Variants in TUBGCP3 observed in about 807,000 individuals in gnomAD.
TUBGCP3 encodes the protein tubulin gamma complex component 3.
A neutral mutation model predicts 123.1 loss-of-function variants in TUBGCP3; 50 were observed. The ratio of observed to expected loss-of-function variants is 0.41; its 90% confidence interval spans 0.32 to 0.51. TUBGCP3 has a LOEUF of 0.51. TUBGCP3 is among the 20% of genes least tolerant of loss of function. The pLI is 0.36. For missense variants in TUBGCP3, 882 were observed against 1,127.0 expected, an observed-to-expected ratio of 0.78 and a Z score of 3.11; for synonymous variants, 405 against 413.9, an observed-to-expected ratio of 0.98 and a Z score of 0.26.
chr13:112,597,997 A>T, the TUBGCP3 span, among the ~76,000 whole-genome samples: 1 of 152,220 alleles, frequency 6.6e-6, no homozygotes, highest in Non-Finnish European at 1.5e-5. Context: ...AGCCATGCCG[A>T]GGCAAATGTA....
chr13:112,552,461 G>A (rs1879665832), intron 8 of TUBGCP3, among the ~76,000 whole-genome samples: 1 of 152,236 alleles, frequency 6.6e-6, no homozygotes, highest in African/African-American at 2.4e-5. Context: ...CCCTTGCAAT[G>A]AGGGAGAGTG....
intron 13 of TUBGCP3, among the ~76,000 whole-genome samples, chr13:112,526,439 C>G (rs1395134940): frequency 7.2e-6 from 1 of 138,924 alleles, no homozygotes; most frequent in Admixed American, 7.2e-5. Context: ...ACCACGCCAT[C>G]ATCACCGTCG....
chr13:112,587,532 G>T (rs537498588), intron 1 of TUBGCP3, among the ~76,000 whole-genome samples: 5 of 152,254 alleles, frequency 3.3e-5, no homozygotes, highest in Non-Finnish European at 5.9e-5. Flanking sequence ...AGAGAAGGGG[G>T]ATAAATTGGC....
At chr13:112,558,531 C>A in intron 4 of TUBGCP3, 118 bp from the exon 5 acceptor site, 1 of 864,614 alleles carries the variant, frequency 1.2e-6, no homozygotes, top group East Asian at 2.6e-5. Flanking sequence ...ATTTGGGTTC[C>A]ATACTTTATT....
rs553029520 is a variant in TUBGCP3 at position 112,534,798 on chromosome 13, A to G, written c.1336-7314T>C. On this transcript the variant is annotated intron_variant, in intron 11 of 21. Coordinates refer to ENST00000261965, the MANE Select transcript of TUBGCP3 (RefSeq NM_006322.6). ...TTTTTAGAGGAAATTCACATAATATAAAAGTCACCATTTTAAAGTGTGCAA... is the reference window on the plus strand; with the variant it reads ...TTTTTAGAGGAAATTCACATAATATGAAAGTCACCATTTTAAAGTGTGCAA... 1.3e-5 allele frequency among the ~76,000 whole-genome samples: 2 copies of G among 152,312 alleles called. 1 individual carries two copies. The highest frequency in any genetic ancestry group is 4.8e-5 in the African/African-American group (2 of 41,578).
chr13:112,504,227 T>A (rs1881124863), intron 18 of TUBGCP3, 64 bp from the exon 19 acceptor site: 1 of 1,604,734 alleles, frequency 6.2e-7, no homozygotes, highest in Admixed American at 1.7e-5. Context: ...GCATCACTCA[T>A]AAAATATATA....
At position 112,508,250 on chromosome 13, in the gene TUBGCP3, C is replaced by T. The variant is rs1282934503; in HGVS notation, c.2087-3536G>A. 2.6e-5 allele frequency among the ~76,000 whole-genome samples: 4 copies of T among 152,224 alleles called. No individual in the cohort carries two copies. The highest frequency in any genetic ancestry group is 9.6e-5 in the African/African-American group (4 of 41,464). ...TAAAAGGCCAACCCGTATCCCCTCA[C>T]TCTGAATCCATCTATTCCTCCTCTG... On this transcript the variant is annotated intron_variant, in intron 17 of 21. Transcript: ENST00000261965. The surrounding 1 kb of genome is among the most constrained non-coding windows in gnomAD (Gnocchi z 4.2).
intron 17 of TUBGCP3, among the ~76,000 whole-genome samples, chr13:112,507,197 T>C (rs1881360359): frequency 1.3e-5 from 2 of 152,192 alleles, no homozygotes; most frequent in African/African-American, 4.8e-5. Flanking sequence ...AATGGACAAA[T>C]TCTACAAGTC....
intron 8 of TUBGCP3, among the ~76,000 whole-genome samples, chr13:112,548,487 G>T (rs989631349): frequency 1.3e-5 from 2 of 152,132 alleles, no homozygotes; most frequent in African/African-American, 4.8e-5. Context: ...ATCCCCTGTA[G>T]ATCTAATTAA....
chr13:112,536,249 T>C (rs539414717), intron 11 of TUBGCP3, among the ~76,000 whole-genome samples: 19 of 152,384 alleles, frequency 1.2e-4, no homozygotes, highest in African/African-American at 3.8e-4. Context: ...CCCTGTGAAT[T>C]TGAAGATCAG....
Position 112,504,685 on chromosome 13 carries a change from T to C in TUBGCP3, c.2116A>G (p.Ile706Val), listed in dbSNP as rs1023582871. ...AAATGGACCATCTCAGAGGCCAAAATGTGACACTGGTGCAGCACCCCGGAG... is the reference window on the plus strand; with the variant it reads ...AAATGGACCATCTCAGAGGCCAAAACGTGACACTGGTGCAGCACCCCGGAG... ...EFSGVLHQCH[I>V]LASEMVHFIH... is the part of the protein sequence containing the mutation. Residue 706 changes from isoleucine (I) to valine (V), a missense_variant, in exon 18 of 22, where the codon ATT becomes GTT. Around this residue, in one of 3 missense-constraint regions of TUBGCP3, gnomAD observed 9 missense variants for 32.7 expected, o/e 0.28. Coordinates refer to ENST00000261965, the MANE Select transcript of TUBGCP3 (RefSeq NM_006322.6). 4 of 1,613,790 alleles carry C rather than the reference T, an allele frequency of 2.5e-6. No individual in the cohort carries two copies. The African/African-American group carries it at 5.3e-5, about 22-fold the overall frequency.
chr13:112,489,729 A>G (rs369859142), intron 20 of TUBGCP3, 32 bp from the exon 21 acceptor site: 2 of 1,569,588 alleles, frequency 1.3e-6, no homozygotes, highest in African/African-American at 2.7e-5. Context: ...ATGTCAGTAA[A>G]ATCACGATGG....
intron 21 of TUBGCP3, among the ~76,000 whole-genome samples, chr13:112,488,619 C>T (rs896948017): frequency 4.0e-5 from 6 of 150,064 alleles, no homozygotes; most frequent in East Asian, 2.0e-4. Context: ...GGTCCCCACA[C>T]CCACCACAGG....
chr13:112,510,641 C>T (rs1288322681), intron 17 of TUBGCP3, among the ~76,000 whole-genome samples: 1 of 152,206 alleles, frequency 6.6e-6, no homozygotes, highest in African/African-American at 2.4e-5. Flanking sequence ...CAAGTACTTT[C>T]ACTCAGACTT....
At chr13:112,563,156 C>T (rs868797834) in intron 3 of TUBGCP3, among the ~76,000 whole-genome samples, 3 of 152,234 alleles carry the variant, frequency 2.0e-5, no homozygotes, top group Non-Finnish European at 2.9e-5. Context: ...CTGGACCCTC[C>T]TTCCACTCCG....
At position 112,552,388 on chromosome 13, in the gene TUBGCP3, C is replaced by T. The variant is rs139745039; in HGVS notation, c.966+1669G>A. Reference sequence around the variant, plus strand: ...ACAGGGACTCTAAAATTACAGCTGGCTCCTGAGGGGACGGCCCACCAGTCC... The same window carrying T: ...ACAGGGACTCTAAAATTACAGCTGGTTCCTGAGGGGACGGCCCACCAGTCC... On this transcript the variant is annotated intron_variant, in intron 8 of 21. Transcript: ENST00000261965. Among the ~76,000 whole-genome samples the T allele has an allele frequency of 2.9e-3, 441 of 152,332 alleles. 7 individuals carry two copies. Among genetic ancestry groups the T allele is most frequent in the African/African-American group, 0.01 (418 of 41,580 alleles).
chr13:112,547,455 T>C, intron 10 of TUBGCP3, 165 bp downstream of exon 10: 2 of 1,193,260 alleles, frequency 1.7e-6, no homozygotes, highest in Non-Finnish European at 2.1e-6. Context: ...AAAGCAAGCC[T>C]GGATGGCGCA....
chr13:112,588,680 T>C (rs1291507032), upstream of TUBGCP3, among the ~76,000 whole-genome samples: 1 of 152,064 alleles, frequency 6.6e-6, no homozygotes, highest in Non-Finnish European at 1.5e-5. Flanking sequence ...ACAGGAAACC[T>C]GCCGAGAAAA....
Position 112,499,409 on chromosome 13 carries a change from C to A in TUBGCP3, c.2308-224G>T, listed in dbSNP as rs907254915. Among the ~76,000 whole-genome samples, 3 of 152,222 alleles carry A rather than the reference C, an allele frequency of 2.0e-5. No individual in the cohort carries two copies. Among genetic ancestry groups the A allele is most frequent in the Non-Finnish European group, 4.4e-5 (3 of 68,044 alleles). On this transcript the variant is annotated intron_variant, in intron 19 of 21. Transcript: ENST00000261965. ...AAAACGTGACCATCCTGCACCTGCA[C>A]CCGTAACAAGAGCAATCGTGACTGC...
Sources: allele counts gnomAD v4.1 joint callset (sites outside exome capture counted in the v4.1 genomes callset), GRCh38; gene constraint gnomAD v4.1.1; regional missense constraint gnomAD v4.1.1; non-coding constraint Gnocchi (gnomAD v3.1); transcripts MANE v1.5; gene names NCBI Gene and HGNC (gene_info 2026-07-23, HGNC 2026-07-21).